Variants in MAP3K7 observed in about 807,000 individuals in gnomAD.
MAP3K7 encodes the protein TGF-beta activated kinase 1.
In MAP3K7, 21 loss-of-function variants were observed where a neutral mutation model predicts 84.8. That is an observed-to-expected ratio of 0.25 (90% CI 0.18 to 0.36). MAP3K7 has a LOEUF of 0.36. MAP3K7 is among the 10% of genes least tolerant of loss of function. The probability of loss-of-function intolerance (pLI) is 1.00; values close to 1 mark genes in which losing one functional copy is unlikely to be tolerated. For synonymous variants in MAP3K7, 241 were observed against 247.7 expected, an observed-to-expected ratio of 0.97 and a Z score of 0.25; for missense variants, 503 against 747.7, an observed-to-expected ratio of 0.67 and a Z score of 3.82.
intron 4 of MAP3K7, among the ~76,000 whole-genome samples, chr6:90,560,640 G>C (rs934004883): frequency 1.3e-5 from 2 of 152,176 alleles, no homozygotes; most frequent in African/African-American, 4.8e-5. Context: ...GATTACAGGA[G>C]TGAGCCACCA....
chr6:90,533,993 A>T (rs1191271898), intron 13 of MAP3K7, among the ~76,000 whole-genome samples: 1 of 152,134 alleles, frequency 6.6e-6, no homozygotes, highest in Non-Finnish European at 1.5e-5. Context: ...ACCTATACTT[A>T]TATCATTACT....
chr6:90,583,984 T>C (rs913198499), intron 1 of MAP3K7, among the ~76,000 whole-genome samples: 2 of 152,234 alleles, frequency 1.3e-5, no homozygotes, highest in East Asian at 3.8e-4. Context: ...AAATGCAAGA[T>C]CAGCTAATGT....
chr6:90,568,748 A>T (rs1216816513), intron 2 of MAP3K7, 125 bp from the exon 3 acceptor site: 4 of 677,246 alleles, frequency 5.9e-6, no homozygotes, highest in Non-Finnish European at 9.7e-6. Context: ...ACTATTTACT[A>T]TGTAACAGGC....
chr6:90,538,815 T>C lies in MAP3K7; in HGVS notation c.1292-2414A>G, dbSNP rs544757071. ...TTCTTCCAGAGACTGCTGGCTTAGGTCCCAGACAGCCACTCCTGTAATTTT... is the reference window on the plus strand; with the variant it reads ...TTCTTCCAGAGACTGCTGGCTTAGGCCCCAGACAGCCACTCCTGTAATTTT... On this transcript the variant is annotated intron_variant, in intron 12 of 16. Transcript: ENST00000369329. 2.6e-5 allele frequency among the ~76,000 whole-genome samples: 4 copies of C among 151,910 alleles called. No individual in the cohort carries two copies. The South Asian group carries it at 8.3e-4, about 32-fold the overall frequency.
At chr6:90,543,793 T>C (rs1181129551) in intron 12 of MAP3K7, among the ~76,000 whole-genome samples, 1 of 152,078 alleles carries the variant, frequency 6.6e-6, no homozygotes, top group African/African-American at 2.4e-5. Flanking sequence ...AATACATTAA[T>C]CAATACTGAA....
chr6:90,545,411 C>T (rs957723999), intron 11 of MAP3K7, among the ~76,000 whole-genome samples: 8 of 152,082 alleles, frequency 5.3e-5, no homozygotes, highest in African/African-American at 1.7e-4. Context: ...AAAACCAGTG[C>T]TTGACTAGAA....
chr6:90,546,290 GA>G (rs1217138614), intron 11 of MAP3K7, among the ~76,000 whole-genome samples: 1 of 151,384 alleles, frequency 6.6e-6, no homozygotes, highest in South Asian at 2.1e-4. Flanking sequence ...ATTCTATTTA[GA>G]AAAAAACCAA....
At position 90,587,001 on chromosome 6, in the gene MAP3K7, C is replaced by G. The variant is rs1386536301; in HGVS notation, c.-118G>C. On this transcript the variant is annotated 5_prime_UTR_variant, in exon 1 of 17. Transcript: ENST00000369329. ...CCTGGAGCCGCGCAGTCCTACTACC[C>G]GGCGATCCGTGGCGGGGGTAGAGGC... The G allele has an allele frequency of 3.2e-5, 40 of 1,243,446 alleles. No individual in the cohort carries two copies. The highest frequency in any genetic ancestry group is 6.9e-5 in the South Asian group (4 of 57,904). 77.0% of individuals were successfully genotyped at this position (1,243,446 alleles called of 1,614,324 possible). A position where few individuals can be genotyped will look rare whatever the true frequency, so the allele number is the denominator to read the frequency against.
intron 12 of MAP3K7, among the ~76,000 whole-genome samples, chr6:90,539,920 T>C (rs1002770274): frequency 1.3e-5 from 2 of 151,958 alleles, no homozygotes; most frequent in African/African-American, 4.8e-5. Context: ...CTACTTATCA[T>C]ACTGTTAGTA....
intron 13 of MAP3K7, among the ~76,000 whole-genome samples, chr6:90,530,599 C>G (rs981974638): frequency 6.6e-6 from 1 of 152,050 alleles, no homozygotes; most frequent in Admixed American, 6.6e-5. Flanking sequence ...TAGACCAGCA[C>G]AGTTAGATTT....
At chr6:90,526,658 C>G (rs1292281209) in intron 13 of MAP3K7, among the ~76,000 whole-genome samples, 3 of 151,732 alleles carry the variant, frequency 2.0e-5, no homozygotes, top group Non-Finnish European at 4.4e-5. Context: ...AAAGAATTTG[C>G]CTCCCAAAAT....
intron 13 of MAP3K7, among the ~76,000 whole-genome samples, chr6:90,526,938 C>A (rs1775341048): frequency 6.6e-6 from 1 of 151,952 alleles, no homozygotes; most frequent in South Asian, 2.1e-4. Context: ...AAAGTTACAA[C>A]TGAACCTCAC....
rs1257442175 is a variant in MAP3K7 at position 90,516,207 on chromosome 6, C to G, written c.*294G>C. The G allele has an allele frequency of 4.8e-6, 2 of 413,230 alleles. No individual in the cohort carries two copies. Among genetic ancestry groups the G allele is most frequent in the Non-Finnish European group, 8.7e-6 (2 of 230,680 alleles). The allele number at this position is 413,230 out of a possible 1,614,324, so 25.6% of individuals were successfully genotyped here. On this transcript the variant is annotated 3_prime_UTR_variant, in exon 17 of 17. Transcript: ENST00000369329. ...GATACCTCCTGTTCTGTTAGGCTAG[C>G]CTTCACACAATGAGCATGCATATAC...
intron 12 of MAP3K7, among the ~76,000 whole-genome samples, chr6:90,538,692 T>G (rs541840228): frequency 6.6e-6 from 1 of 151,964 alleles, no homozygotes; most frequent in East Asian, 1.9e-4. Flanking sequence ...TTCCATTCTT[T>G]TTACAGTAAT....
At chr6:90,544,170 T>C (rs1421571368) in intron 12 of MAP3K7, among the ~76,000 whole-genome samples, 1 of 152,046 alleles carries the variant, frequency 6.6e-6, no homozygotes, top group African/African-American at 2.4e-5. Flanking sequence ...AAGCAGTAAC[T>C]GAGGAAGGAA....
chr6:90,543,483 G>A (rs1775914314), intron 12 of MAP3K7, among the ~76,000 whole-genome samples: 1 of 151,990 alleles, frequency 6.6e-6, no homozygotes, highest in Non-Finnish European at 1.5e-5. Context: ...AATATGTGAA[G>A]CACTGAGCCA....
At position 90,581,305 on chromosome 6, in the gene MAP3K7, AGTTTCATTTGGCC is replaced by A. The variant is rs1403891873; in HGVS notation, c.120+5446_120+5458del. Among the ~76,000 whole-genome samples the A allele has an allele frequency of 1.6e-4, 25 of 152,232 alleles. No individual in the cohort carries two copies. In the South Asian group the frequency reaches 4.1e-3, roughly 25 times the overall value. ...TTTTAGTTCAGTGACTACAGCTGTC[AGTTTCATTTGGCC>A]CTGTTCTATGAACTATCTGAATGGA... On this transcript the variant is annotated intron_variant, in intron 1 of 16. Transcript: ENST00000369329.
At chr6:90,571,459 G>C (rs1390891618) in intron 2 of MAP3K7, among the ~76,000 whole-genome samples, 1 of 152,002 alleles carries the variant, frequency 6.6e-6, no homozygotes, top group African/African-American at 2.4e-5. Flanking sequence ...GGATGAAACT[G>C]TTTTAATTCA....
chr6:90,555,623 A>G (rs1162401778), intron 6 of MAP3K7, among the ~76,000 whole-genome samples: 2 of 152,192 alleles, frequency 1.3e-5, no homozygotes, highest in Non-Finnish European at 2.9e-5. Flanking sequence ...CTAGGAAACC[A>G]ATACAAAAGC....
Sources: gnomAD v4.1 joint callset for allele counts (sites outside exome capture counted in the v4.1 genomes callset) on GRCh38, gnomAD v4.1.1 for gene constraint, MANE v1.5 for transcripts, NCBI Gene and HGNC (gene_info 2026-07-23, HGNC 2026-07-21) for gene names.